The following DST variants were observed in gnomAD, a reference collection of about 807,000 sequenced individuals.
The protein encoded by DST is bullous pemphigoid antigen.
A neutral mutation model predicts 875.2 loss-of-function variants in DST; 253 were observed. The observed-to-expected ratio is 0.29, with a 90% confidence interval of 0.26 to 0.32. The LOEUF is 0.32. DST is among the 10% of genes least tolerant of loss of function. The probability of loss-of-function intolerance (pLI) is 1.00; values close to 1 mark genes in which losing one functional copy is unlikely to be tolerated. For synonymous variants in DST, 3,124 were observed against 3,197.1 expected, an observed-to-expected ratio of 0.98 and a Z score of 0.77; for missense variants, 8,287 against 9,111.6, an observed-to-expected ratio of 0.91 and a Z score of 3.68.
chr6:56,779,239 T>A (rs1160543353), intron 4 of DST, among the ~76,000 whole-genome samples: 1 of 152,108 alleles, frequency 6.6e-6, no homozygotes, highest in Non-Finnish European at 1.5e-5. Flanking sequence ...TTGTTTGTTT[T>A]TTTCCTGTAA....
At chr6:56,896,863 A>G (rs762628932) in intron 3 of DST, among the ~76,000 whole-genome samples, 1 of 152,174 alleles carries the variant, frequency 6.6e-6, no homozygotes, top group African/African-American at 2.4e-5. Flanking sequence ...TCTGGATATT[A>G]GTCCTTTGTC....
At chr6:56,713,630 G>T (rs960689131) in intron 5 of DST, among the ~76,000 whole-genome samples, 7 of 152,204 alleles carry the variant, frequency 4.6e-5, no homozygotes, top group Non-Finnish European at 1.0e-4. Flanking sequence ...CTCCAGGAAA[G>T]GTGCAGCCAG....
chr6:56,525,527 G>A (rs1051667821), intron 69 of DST, among the ~76,000 whole-genome samples: 1 of 152,136 alleles, frequency 6.6e-6, no homozygotes, highest in African/African-American at 2.4e-5. Context: ...AATTCTGGAT[G>A]CTCCCACAGA....
chr6:56,840,296 G>A (rs1334017803), intron 4 of DST, among the ~76,000 whole-genome samples: 2 of 151,988 alleles, frequency 1.3e-5, no homozygotes, highest in Admixed American at 6.6e-5. Flanking sequence ...TATCTTTTAA[G>A]CTAAGCTACT....
intron 68 of DST, 94 bp downstream of exon 68, chr6:56,527,399 G>C: frequency 6.9e-7 from 1 of 1,445,196 alleles, no homozygotes. Context: ...TTCAGCATAT[G>C]TAATGACATA....
rs538072003 is a variant in DST at position 56,743,359 on chromosome 6, C to T, written c.626-8070G>A. Reference sequence around the variant, plus strand: ...CACAATACTGCTGGATTAACAGTTGCCAAAATGCTTTAAAACATCTTTATA... The same window carrying T: ...CACAATACTGCTGGATTAACAGTTGTCAAAATGCTTTAAAACATCTTTATA... On this transcript the variant is annotated intron_variant, in intron 4 of 103. Coordinates refer to ENST00000680361, the MANE Select transcript of DST (RefSeq NM_001374736.1). Among the ~76,000 whole-genome samples the T allele has an allele frequency of 7.2e-5, 11 of 152,218 alleles. No individual in the cohort carries two copies. In the South Asian group the frequency reaches 2.3e-3, roughly 32 times the overall value.
intron 49 of DST, among the ~76,000 whole-genome samples, chr6:56,586,026 G>GT (rs1458110718): frequency 6.7e-6 from 1 of 149,180 alleles, no homozygotes; most frequent in Non-Finnish European, 1.5e-5. Flanking sequence ...TATGTGGTCA[G>GT]TTTTGGAATA....
intron 5 of DST, among the ~76,000 whole-genome samples, chr6:56,720,040 C>T (rs1018410639): frequency 6.6e-6 from 1 of 152,136 alleles, no homozygotes; most frequent in Non-Finnish European, 1.5e-5. Context: ...ACCGGTCTGA[C>T]CAAAATTTAT....
rs559294210 is a variant in DST at position 56,867,928 on chromosome 6, T to A, written c.418-16324A>T. Among the ~76,000 whole-genome samples the A allele has an allele frequency of 2.0e-5, 3 of 152,362 alleles. No individual in the cohort carries two copies. In the East Asian group the frequency reaches 5.8e-4, roughly 29 times the overall value. ...TCTGCATCTCAGACTTCTTGATTCT[T>A]CTGCTTTAATAAACAGACGGGTGTG... On this transcript the variant is annotated intron_variant, in intron 3 of 103. Coordinates refer to ENST00000680361, the MANE Select transcript of DST (RefSeq NM_001374736.1).
chr6:56,686,547 T>C (rs1439634974), intron 9 of DST, among the ~76,000 whole-genome samples: 1 of 152,216 alleles, frequency 6.6e-6, no homozygotes, highest in Non-Finnish European at 1.5e-5. Context: ...TGCTACCTTA[T>C]CTAAGAAGGC....
intron 90 of DST, among the ~76,000 whole-genome samples, chr6:56,478,218 C>G (rs1221725535): frequency 6.6e-6 from 1 of 151,896 alleles, no homozygotes; most frequent in Non-Finnish European, 1.5e-5. Flanking sequence ...ATTAACTATG[C>G]CAGGAAATAT....
chr6:56,728,975 C>A lies in DST; in HGVS notation c.687+6253G>T, dbSNP rs56901706. 2.5e-3 allele frequency among the ~76,000 whole-genome samples: 248 copies of A among 99,098 alleles called. 1 individual carries two copies. Among genetic ancestry groups the A allele is most frequent in the African/African-American group, 0.011 (186 of 16,978 alleles). The allele number at this position is 99,098 out of a possible 152,430, so 65.0% of individuals were successfully genotyped here. ...TCAAGTGGTTCAGATAAAAAAAGTA[C>A]ACACACACACACACACACACACACA... On this transcript the variant is annotated intron_variant, in intron 5 of 103. Transcript: ENST00000680361.
intron 9 of DST, chr6:56,692,404 T>A (rs867594285): frequency 2.3e-6 from 3 of 1,277,468 alleles, no homozygotes; most frequent in Non-Finnish European, 2.0e-6. Flanking sequence ...TCCATCTGTG[T>A]CCTTAGAAAC....
At chr6:56,704,888 T>A (rs148237056) in intron 5 of DST, among the ~76,000 whole-genome samples, 4 of 152,308 alleles carry the variant, frequency 2.6e-5, no homozygotes, top group East Asian at 3.9e-4. Flanking sequence ...TTCAAAAAAA[T>A]TTTTTGAAAT....
intron 9 of DST, among the ~76,000 whole-genome samples, chr6:56,687,842 A>G (rs1296721761): frequency 6.6e-6 from 1 of 152,172 alleles, no homozygotes; most frequent in Admixed American, 6.6e-5. Flanking sequence ...TAAAGACAGC[A>G]CAAACATTTT....
At chr6:56,766,799 G>A (rs1009897982) in intron 4 of DST, among the ~76,000 whole-genome samples, 11 of 152,166 alleles carry the variant, frequency 7.2e-5, no homozygotes, top group African/African-American at 2.7e-4. Context: ...CCAAAGTGCT[G>A]GGATTACAGG....
chr6:56,476,056 G>A (rs753736324), intron 92 of DST, 93 bp downstream of exon 92: 64 of 1,144,544 alleles, frequency 5.6e-5, no homozygotes, highest in East Asian at 1.1e-4. Flanking sequence ...TGAAAATAAC[G>A]AGAACAAAGC....
chr6:56,587,876 C>G (rs915999777), intron 49 of DST, among the ~76,000 whole-genome samples: 1 of 151,902 alleles, frequency 6.6e-6, no homozygotes, highest in African/African-American at 2.4e-5. Context: ...GATTTTGTCA[C>G]CACCACGCCT....
At chr6:56,520,620 G>C (rs2096677961) in intron 69 of DST, among the ~76,000 whole-genome samples, 1 of 151,882 alleles carries the variant, frequency 6.6e-6, no homozygotes, top group Non-Finnish European at 1.5e-5. Context: ...CTTAAAACAA[G>C]TTTAATTTTA....
Sources: gnomAD v4.1 joint callset for allele counts (sites outside exome capture counted in the v4.1 genomes callset) on GRCh38, gnomAD v4.1.1 for gene constraint, MANE v1.5 for transcripts, NCBI Gene and HGNC (gene_info 2026-07-23, HGNC 2026-07-21) for gene names.